Variants in SLC2A5 observed in about 807,000 individuals in gnomAD.
SLC2A5 encodes solute carrier family 2, facilitated glucose transporter member 5.
In SLC2A5, 56 loss-of-function variants were observed where a neutral mutation model predicts 50.3. The observed-to-expected ratio is 1.11, with a 90% CI of 0.90 to 1.39. The LOEUF (loss-of-function observed/expected upper bound fraction) is 1.39. Ranked by LOEUF, SLC2A5 falls within the 40% of genes most tolerant of loss-of-function variation. SLC2A5 has a pLI of 0.00. For missense variants in SLC2A5, 566 were observed against 650.1 expected (o/e 0.87, Z 1.41); for synonymous variants, 269 against 281.9 (o/e 0.95, Z 0.46).
At chr1:9,060,088 CACACACAACACACACA>C (rs1641878809) in intron 1 of SLC2A5, among the ~76,000 whole-genome samples, 1 of 143,722 alleles carries the variant, frequency 7.0e-6, no homozygotes, top group African/African-American at 2.6e-5. Flanking sequence ...ACACACACTA[CACACACAACACACACA>C]ATACACACAC....
At chr1:9,072,622 G>A (rs1642234759), upstream of SLC2A5, among the ~76,000 whole-genome samples, 1 of 151,988 alleles carries the variant, frequency 6.6e-6, no homozygotes, top group African/African-American at 2.4e-5. Context: ...GTGATAGGAT[G>A]GGGGAGAGGA....
upstream of SLC2A5, chr1:9,072,189 G>C (rs1217083058): frequency 6.6e-6 from 1 of 152,276 alleles, no homozygotes; most frequent in Non-Finnish European, 1.5e-5. Context: ...GAGGCCTGCA[G>C]GCTCCGCGAG....
intron 1 of SLC2A5, among the ~76,000 whole-genome samples, chr1:9,060,815 A>G (rs899752416): frequency 6.6e-6 from 1 of 152,058 alleles, no homozygotes; most frequent in Non-Finnish European, 1.5e-5. Context: ...CAGCCATTCA[A>G]TCATTCAACA....
chr1:9,064,375 T>G (rs1415358309), intron 1 of SLC2A5, among the ~76,000 whole-genome samples: 2 of 152,070 alleles, frequency 1.3e-5, no homozygotes, highest in Non-Finnish European at 2.9e-5. Context: ...GAAGCCCCAG[T>G]GACCCCCAGC....
upstream of SLC2A5, among the ~76,000 whole-genome samples, chr1:9,073,341 C>T (rs1241401117): frequency 1.3e-5 from 2 of 152,242 alleles, no homozygotes; most frequent in African/African-American, 4.8e-5. Flanking sequence ...GCAGTCAGTA[C>T]AGACATAAAG....
intron 1 of SLC2A5, among the ~76,000 whole-genome samples, chr1:9,060,373 C>T (rs1232286717): frequency 7.1e-6 from 1 of 140,426 alleles, no homozygotes; most frequent in Non-Finnish European, 1.5e-5. Context: ...ACTACATACA[C>T]ACACGCACAC....
chr1:9,052,206 C>T lies in SLC2A5; in HGVS notation c.294-4472G>A, dbSNP rs549612216. ...GGCTGAGGCAGGAGAATTGCTTGAA[C>T]ATGGGAGGCAGAGGTTGCAGTGAGC... On this transcript the variant is annotated intron_variant, in intron 3 of 11. Coordinates refer to ENST00000377424, the MANE Select transcript of SLC2A5 (RefSeq NM_003039.3). Among the ~76,000 whole-genome samples, 3 of 152,294 alleles carry T rather than the reference C, an allele frequency of 2.0e-5. No homozygotes were observed. The South Asian group carries it at 6.2e-4, about 32-fold the overall frequency.
intron 3 of SLC2A5, among the ~76,000 whole-genome samples, chr1:9,053,013 A>C (rs1351552582): frequency 7.5e-6 from 1 of 132,928 alleles, no homozygotes; most frequent in Non-Finnish European, 1.5e-5. Context: ...TTTTTAAAAT[A>C]TATTTTTTGA....
chr1:9,047,787 C>T, intron 3 of SLC2A5, 53 bp from the exon 4 acceptor site: 1 of 1,592,222 alleles, frequency 6.3e-7, no homozygotes, highest in Non-Finnish European at 8.6e-7. Flanking sequence ...CTCTTTCATT[C>T]AAGAAATGTT....
upstream of SLC2A5, among the ~76,000 whole-genome samples, chr1:9,088,646 G>A (rs577869153): frequency 6.6e-6 from 1 of 152,328 alleles, no homozygotes; most frequent in East Asian, 1.9e-4. Flanking sequence ...AGCCAGGCGT[G>A]GTGGCGGGTG....
chr1:9,075,430 G>A (rs551164759), intron 2 of SLC2A5, among the ~76,000 whole-genome samples: 7 of 152,116 alleles, frequency 4.6e-5, no homozygotes, highest in Admixed American at 2.0e-4. Flanking sequence ...TGCTGATACC[G>A]CCCGTTGCCT....
rs535453938 is a variant in SLC2A5 at position 9,058,179 on chromosome 1, G to T, written c.105C>A (p.Asn35Lys). ...GTGCTGGGGAGTTGACAGCAGCCAC[G>T]TTGTACCCATACTGGAAGGATGACC... ...AFGSSFQYGYNVAAVNSPALL... is the reference protein window; with the variant it reads ...AFGSSFQYGYKVAAVNSPALL... Residue 35 changes from asparagine to lysine, a missense_variant, in exon 2 of 12, where the codon AAC becomes AAA. Coordinates refer to ENST00000377424, the MANE Select transcript of SLC2A5 (RefSeq NM_003039.3). 8.7e-6 allele frequency: 14 copies of T among 1,613,700 alleles called. No homozygotes were observed. The highest frequency in any genetic ancestry group is 1.1e-5 in the Non-Finnish European group (13 of 1,179,744).
chr1:9,078,777 G>A (rs1438931615), intron 2 of SLC2A5, among the ~76,000 whole-genome samples: 1 of 152,172 alleles, frequency 6.6e-6, no homozygotes. Flanking sequence ...GGGTGGGGAA[G>A]TGACTCAAGT....
chr1:9,045,511 C>A (rs543088994), intron 4 of SLC2A5, among the ~76,000 whole-genome samples: 112 of 152,234 alleles, frequency 7.4e-4, no homozygotes, highest in African/African-American at 2.6e-3. Flanking sequence ...AGTGATTGGA[C>A]CTGCTTACTG....
intron 4 of SLC2A5, among the ~76,000 whole-genome samples, chr1:9,046,781 ATATT>A (rs1289541391): frequency 6.6e-6 from 1 of 151,896 alleles, no homozygotes; most frequent in Non-Finnish European, 1.5e-5. Flanking sequence ...ATTTATATAT[ATATT>A]TATTTATCTT....
chr1:9,067,835 G>T (rs1384304642), intron 1 of SLC2A5, among the ~76,000 whole-genome samples: 1 of 152,168 alleles, frequency 6.6e-6, no homozygotes, highest in African/African-American at 2.4e-5. Flanking sequence ...GCGTTAGCCA[G>T]TGCCAAATGG....
upstream of SLC2A5, among the ~76,000 whole-genome samples, chr1:9,089,309 AC>A (rs1291065136): frequency 6.6e-6 from 1 of 152,210 alleles, no homozygotes; most frequent in Non-Finnish European, 1.5e-5. Context: ...GGAAAATCCT[AC>A]CCTTTTCTTA....
chr1:9,060,672 A>C (rs1641917702), intron 1 of SLC2A5, among the ~76,000 whole-genome samples: 2 of 95,374 alleles, frequency 2.1e-5, no homozygotes, highest in Admixed American at 1.4e-4. Context: ...CACACCCCAC[A>C]CACACACCAC....
intron 2 of SLC2A5, among the ~76,000 whole-genome samples, chr1:9,077,598 G>GA (rs1642303369): frequency 6.8e-6 from 1 of 147,018 alleles, no homozygotes; most frequent in Non-Finnish European, 1.5e-5. Flanking sequence ...AAAAAAAAAA[G>GA]AAAAAAATTA....
Sources: allele counts gnomAD v4.1 joint callset (sites outside exome capture counted in the v4.1 genomes callset), GRCh38; gene constraint gnomAD v4.1.1; transcripts MANE v1.5; gene names NCBI Gene and HGNC (gene_info 2026-07-23, HGNC 2026-07-21).